The following TRPM3 variants were observed in gnomAD, a reference collection of about 807,000 sequenced individuals.
The protein encoded by TRPM3 is transient receptor potential cation channel subfamily M member 3, also known as long transient receptor potential channel 3.
Under a neutral mutation model 181.2 loss-of-function variants are expected in TRPM3, and 77 were observed. That is an observed-to-expected ratio of 0.42 (90% CI 0.35 to 0.51). The LOEUF is 0.51. TRPM3 is among the 20% of genes least tolerant of loss of function. TRPM3 has a pLI of 0.01. For synonymous variants in TRPM3, 745 were observed against 796.4 expected (o/e 0.94, Z 1.09); for missense variants, 1,759 against 2,196.7 (o/e 0.80, Z 3.98).
At chr9:71,162,720 C>G (rs1235583062) in intron 1 of TRPM3, among the ~76,000 whole-genome samples, 1 of 152,062 alleles carries the variant, frequency 6.6e-6, no homozygotes, top group Admixed American at 6.6e-5. Context: ...AATAAACTTT[C>G]ATTAGTTACC....
intron 1 of TRPM3, among the ~76,000 whole-genome samples, chr9:70,984,920 T>C (rs1048385505): frequency 6.6e-6 from 1 of 152,246 alleles, no homozygotes; most frequent in Non-Finnish European, 1.5e-5. Flanking sequence ...TTGCAGAATA[T>C]GAGGTCATTC....
At chr9:71,405,450 G>T (rs1218182285) in intron 1 of TRPM3, among the ~76,000 whole-genome samples, 2 of 152,022 alleles carry the variant, frequency 1.3e-5, no homozygotes, top group Non-Finnish European at 2.9e-5. Flanking sequence ...GCAGATAATT[G>T]CTAGGTTTTA....
chr9:71,131,956 G>C (rs554579306), intron 1 of TRPM3, among the ~76,000 whole-genome samples: 52 of 152,196 alleles, frequency 3.4e-4, no homozygotes, highest in Non-Finnish European at 6.0e-4. Context: ...TTCATCAAAG[G>C]CTTAACTTGA....
At chr9:71,338,292 A>G (rs977635880) in intron 1 of TRPM3, among the ~76,000 whole-genome samples, 1 of 152,174 alleles carries the variant, frequency 6.6e-6, no homozygotes, top group African/African-American at 2.4e-5. Flanking sequence ...CCAAGCCTTC[A>G]GAAGGCCAAG....
intron 1 of TRPM3, among the ~76,000 whole-genome samples, chr9:71,423,816 C>T (rs979332398): frequency 1.3e-5 from 2 of 152,116 alleles, no homozygotes; most frequent in African/African-American, 2.4e-5. Flanking sequence ...AGTTCCTCCC[C>T]GGAGATGACT....
At chr9:70,627,220 T>C (rs1285699479) in intron 12 of TRPM3, among the ~76,000 whole-genome samples, 1 of 151,170 alleles carries the variant, frequency 6.6e-6, no homozygotes, top group Admixed American at 6.6e-5. Flanking sequence ...AACAAATAGA[T>C]AGTAATTGAA....
At chr9:70,776,415 A>G in intron 7 of TRPM3, 1 of 712,010 alleles carries the variant, frequency 1.4e-6, no homozygotes, top group Non-Finnish European at 2.6e-6. Context: ...AACTAGCACC[A>G]TTTCACTTCT....
chr9:70,814,262 A>C (rs1003247430), intron 6 of TRPM3, among the ~76,000 whole-genome samples: 10 of 152,170 alleles, frequency 6.6e-5, no homozygotes, highest in Admixed American at 1.3e-4. Context: ...TTGACCGTGA[A>C]ACCAGCGGTA....
At chr9:71,041,453 T>C (rs1304018943) in intron 1 of TRPM3, among the ~76,000 whole-genome samples, 1 of 152,140 alleles carries the variant, frequency 6.6e-6, no homozygotes, top group Non-Finnish European at 1.5e-5. Flanking sequence ...TATGATCAGC[T>C]TGGTGGAGAG....
chr9:70,891,245 A>C (rs544220895), intron 1 of TRPM3, among the ~76,000 whole-genome samples: 1 of 152,282 alleles, frequency 6.6e-6, no homozygotes, highest in African/African-American at 2.4e-5. Flanking sequence ...TAGTCATAGA[A>C]AATAAAAACA....
chr9:71,203,059 G>C (rs1284956357), intron 1 of TRPM3, among the ~76,000 whole-genome samples: 2 of 152,176 alleles, frequency 1.3e-5, no homozygotes, highest in African/African-American at 4.8e-5. Context: ...GTTGCAAATG[G>C]ATGGCCTGCA....
At chr9:70,980,049 G>T (rs573683780) in intron 1 of TRPM3, among the ~76,000 whole-genome samples, 2 of 101,442 alleles carry the variant, frequency 2.0e-5, no homozygotes, top group South Asian at 5.5e-4. Flanking sequence ...CACAGCATGT[G>T]TGGCCATGCA....
Position 70,806,763 on chromosome 9 carries a change from T to C in TRPM3, c.973+21084A>G, listed in dbSNP as rs188913137. 3.9e-4 allele frequency among the ~76,000 whole-genome samples: 59 copies of C among 152,068 alleles called. 1 individual carries two copies. The highest frequency in any genetic ancestry group is 1.2e-3 in the African/African-American group (51 of 41,434). ...TATTCTGTTAACAGCTATGACAACTTTATTAGTGACATCTGGGAGCACTAT... is the reference window on the plus strand; with the variant it reads ...TATTCTGTTAACAGCTATGACAACTCTATTAGTGACATCTGGGAGCACTAT... On this transcript the variant is annotated intron_variant, in intron 6 of 25. Transcript: ENST00000677713.
intron 1 of TRPM3, among the ~76,000 whole-genome samples, chr9:71,082,828 G>A (rs2064597982): frequency 6.6e-6 from 1 of 152,052 alleles, no homozygotes; most frequent in African/African-American, 2.4e-5. Context: ...ACACCACAAG[G>A]AGAATCATGT....
intron 12 of TRPM3, among the ~76,000 whole-genome samples, chr9:70,632,284 C>T (rs1012545304): frequency 6.6e-5 from 10 of 152,156 alleles, no homozygotes; most frequent in African/African-American, 2.4e-4. Context: ...TGAAAGTCAC[C>T]TGAGAAAGTT....
chr9:71,003,805 A>G (rs2097644995), intron 1 of TRPM3, among the ~76,000 whole-genome samples: 1 of 151,842 alleles, frequency 6.6e-6, no homozygotes, highest in Admixed American at 6.6e-5. Flanking sequence ...GAATAAGAAT[A>G]CCACACTGAA....
rs1045422037 is a variant in TRPM3 at position 70,534,208 on chromosome 9, G to A, written c.*1745C>T. 2 of 152,136 alleles carry A rather than the reference G, an allele frequency of 1.3e-5. No individual in the cohort carries two copies. The highest frequency in any genetic ancestry group is 2.4e-5 in the African/African-American group (1 of 41,400). 9.4% of individuals were successfully genotyped at this position (152,136 alleles called of 1,614,324 possible). On this transcript the variant is annotated 3_prime_UTR_variant, in exon 26 of 26. Transcript: ENST00000677713. ...AGTTGCGTGTCTATTCAGATTGTAC[G>A]TGGTGTAAAAACTTTGTTTAGGAAA... is the stretch of plus-strand genomic sequence containing the variant.
chr9:70,871,268 T>C (rs1026288620), intron 1 of TRPM3, among the ~76,000 whole-genome samples: 2 of 151,950 alleles, frequency 1.3e-5, no homozygotes, highest in African/African-American at 4.8e-5. Context: ...ATGTAAGAAA[T>C]ATTTTAACAG....
intron 5 of TRPM3, among the ~76,000 whole-genome samples, chr9:70,837,069 G>A (rs752960651): frequency 3.3e-5 from 5 of 152,100 alleles, no homozygotes; most frequent in African/African-American, 7.2e-5. Flanking sequence ...AGATTTGGGC[G>A]GGTGTCCTTG....
Sources: allele counts gnomAD v4.1 joint callset (sites outside exome capture counted in the v4.1 genomes callset), GRCh38; gene constraint gnomAD v4.1.1; transcripts MANE v1.5; gene names NCBI Gene and HGNC (gene_info 2026-07-23, HGNC 2026-07-21).